DNAI3: variants seen among roughly 807,000 people sequenced by gnomAD.
DNAI3 encodes dynein axonemal intermediate chain 3.
In DNAI3, 83 loss-of-function variants were observed where a neutral mutation model predicts 115.5. That is an observed-to-expected ratio of 0.72 (90% CI 0.60 to 0.86). The LOEUF (loss-of-function observed/expected upper bound fraction) is 0.86. Ranked by LOEUF, DNAI3 falls within the 40% of genes least tolerant of loss-of-function variation. The pLI is 0.00. For synonymous variants in DNAI3, 320 were observed against 347.0 expected (o/e 0.92, Z 0.86); for missense variants, 1,004 against 1,075.8 (o/e 0.93, Z 0.93).
intron 8 of DNAI3, among the ~76,000 whole-genome samples, chr1:85,093,235 G>C (rs1230408063): frequency 1.3e-5 from 2 of 152,174 alleles, no homozygotes; most frequent in African/African-American, 4.8e-5. Context: ...TGGAAACTGA[G>C]GCAGATCATG....
intron 13 of DNAI3, among the ~76,000 whole-genome samples, chr1:85,099,104 G>T (rs1192935627): frequency 3.3e-5 from 5 of 152,170 alleles, no homozygotes; most frequent in Non-Finnish European, 7.3e-5. Flanking sequence ...AACTAGTTGT[G>T]CAGTCTGTGA....
At chr1:85,126,347 A>G (rs1023944773) in intron 19 of DNAI3, among the ~76,000 whole-genome samples, 164 bp from the exon 20 acceptor site, 2 of 152,246 alleles carry the variant, frequency 1.3e-5, no homozygotes, top group Non-Finnish European at 2.9e-5. Context: ...AGCTGGTGTT[A>G]TATAAAAACC....
At chr1:85,097,730 C>A in intron 12 of DNAI3, 75 bp downstream of exon 12, 1 of 1,280,916 alleles carries the variant, frequency 7.8e-7, no homozygotes, top group Non-Finnish European at 1.1e-6. Flanking sequence ...AATATAGTTG[C>A]CAAGGCTAAT....
Position 85,133,051 on chromosome 1 carries a change from T to A in DNAI3, c.*53T>A, listed in dbSNP as rs1315995788. ...GACTTCTTCCCTCTATTTATTTTTA[T>A]GTCAGGTGAACTGGCATGCTGAACA... On this transcript the variant is annotated 3_prime_UTR_variant, in exon 23 of 23. Transcript: ENST00000294664. 1 of 1,565,814 alleles carries A rather than the reference T, an allele frequency of 6.4e-7. No individual in the cohort carries two copies. The highest frequency in any genetic ancestry group is 8.6e-7 in the Non-Finnish European group (1 of 1,161,366).
intron 9 of DNAI3, 150 bp downstream of exon 9, chr1:85,093,798 C>T (rs1432631690): frequency 1.1e-6 from 1 of 887,974 alleles, no homozygotes; most frequent in Non-Finnish European, 1.8e-6. Context: ...CTTTCCACGC[C>T]CTCACTGTCA....
intron 12 of DNAI3, 52 bp downstream of exon 12, chr1:85,097,707 T>C: frequency 1.3e-6 from 2 of 1,509,260 alleles, no homozygotes; most frequent in Non-Finnish European, 9.0e-7. Context: ...GAAGAGTTTA[T>C]GGAAAAGTAC....
chr1:85,132,998 A>T lies in DNAI3; in HGVS notation c.2676A>T (p.Ter892TyrextTer25), dbSNP rs1364524832. The T allele has an allele frequency of 6.2e-7, 1 of 1,607,878 alleles. No individual in the cohort carries two copies. The highest frequency in any genetic ancestry group is 1.3e-5 in the African/African-American group (1 of 74,548). The stretch of plus-strand genomic sequence containing the variant: ...AGGGGTCATACATGGAGGTGATGTA[A>T]AAAAGCTTCCTGAAGGGGTGTTTTG... ...TEKGSYMEVM[*>Y] is the part of the protein sequence containing the mutation. The change falls in exon 23 of 23, where the codon TAA (stop) becomes TAT (tyrosine). Residue 892 changes from the stop codon to tyrosine, a stop_lost. Transcript: ENST00000294664.
In DNAI3 at chr1:85,082,158, A is replaced by G. The variant is rs916205639; in HGVS notation, c.286-142A>G. On this transcript the variant is annotated intron_variant, in intron 4 of 22. Transcript: ENST00000294664. ...TTAAAGTTAATAAAATAATTTTGCA[A>G]TTTGGTGTTATCAGCCATAGATTAG... 34 of 644,288 alleles carry G rather than the reference A, an allele frequency of 5.3e-5. No individual in the cohort carries two copies. In the Admixed American group the frequency reaches 1.0e-3, roughly 19 times the overall value. The allele number at this position is 644,288 out of a possible 1,614,324, so 39.9% of individuals were successfully genotyped here. A position where few individuals can be genotyped will look rare whatever the true frequency, so the allele number is the denominator to read the frequency against.
rs1002645545 is a variant in DNAI3 at position 85,086,924 on chromosome 1, G to A, written c.740+894G>A. ...CAAATGAACCTACAAGGCTTCATAT[G>A]ATCTAGATCCCTTTACCCCTCTGCC... On this transcript the variant is annotated intron_variant, in intron 7 of 22. Coordinates refer to ENST00000294664, the MANE Select transcript of DNAI3 (RefSeq NM_145172.5). Among the ~76,000 whole-genome samples, 27 of 151,982 alleles carry A rather than the reference G, an allele frequency of 1.8e-4. No homozygotes were observed. The East Asian group carries it at 5.3e-3, about 30-fold the overall frequency.
At chr1:85,075,824 C>G (rs1654434496) in intron 3 of DNAI3, among the ~76,000 whole-genome samples, 1 of 152,220 alleles carries the variant, frequency 6.6e-6, no homozygotes, top group Non-Finnish European at 1.5e-5. Context: ...AAGGCCATTA[C>G]AGACATGAAG....
At chr1:85,089,072 G>A (rs1400002540) in intron 7 of DNAI3, among the ~76,000 whole-genome samples, 2 of 151,934 alleles carry the variant, frequency 1.3e-5, no homozygotes, top group Non-Finnish European at 2.9e-5. Context: ...ATTCTGCATT[G>A]TGCTGACATT....
At chr1:85,068,315 G>A (rs1257893789) in intron 1 of DNAI3, among the ~76,000 whole-genome samples, 23 of 152,090 alleles carry the variant, frequency 1.5e-4, no homozygotes, top group Non-Finnish European at 5.9e-5. Context: ...TCAATAAATA[G>A]CAACTCCATG....
chr1:85,081,937 C>T lies in DNAI3; in HGVS notation c.286-363C>T, dbSNP rs567254705. On this transcript the variant is annotated intron_variant, in intron 4 of 22. Coordinates refer to ENST00000294664, the MANE Select transcript of DNAI3 (RefSeq NM_145172.5). The stretch of plus-strand genomic sequence containing the variant: ...ATTGCAGGCATCAGCCACCGTGCTC[C>T]GCCTTTGCCCAGTTTTAACTAGAAT... 9.8e-5 allele frequency among the ~76,000 whole-genome samples: 15 copies of T among 152,310 alleles called. No homozygotes were observed. The South Asian group carries it at 1.0e-3, about 11-fold the overall frequency.
At chr1:85,101,620 C>G (rs1034574689) in intron 13 of DNAI3, among the ~76,000 whole-genome samples, 1 of 148,520 alleles carries the variant, frequency 6.7e-6, no homozygotes, top group East Asian at 2.0e-4. Context: ...CCCAGCTACT[C>G]CAGAGGCTGA....
chr1:85,097,308 C>T (rs1459649465), intron 11 of DNAI3, among the ~76,000 whole-genome samples: 3 of 152,104 alleles, frequency 2.0e-5, no homozygotes, highest in African/African-American at 7.2e-5. Context: ...AATTGCATGA[C>T]ATTTATTTTG....
chr1:85,110,320 G>T (rs951146347), intron 16 of DNAI3, among the ~76,000 whole-genome samples, 185 bp downstream of exon 16: 2 of 151,458 alleles, frequency 1.3e-5, no homozygotes, highest in African/African-American at 2.4e-5. Flanking sequence ...GCTTAGTGGC[G>T]GGCGCCTGTA....
chr1:85,072,742 T>G (rs1654318219), intron 2 of DNAI3, among the ~76,000 whole-genome samples: 1 of 151,088 alleles, frequency 6.6e-6, no homozygotes, highest in African/African-American at 2.4e-5. Flanking sequence ...GATCACAAGG[T>G]CAGGAGATGG....
chr1:85,124,344 T>G (rs1415440078), intron 19 of DNAI3, 93 bp downstream of exon 19: 1 of 1,562,636 alleles, frequency 6.4e-7, no homozygotes, highest in African/African-American at 1.4e-5. Flanking sequence ...AATAGTGCCT[T>G]TGGGACACTT....
At chr1:85,109,929 GA>G (rs1207219838) in intron 15 of DNAI3, 118 bp from the exon 16 acceptor site, 26 of 892,868 alleles carry the variant, frequency 2.9e-5, no homozygotes, top group Non-Finnish European at 3.3e-5. Context: ...AGGGAAGGAA[GA>G]AAAAAAAGGA....
Sources: gnomAD v4.1 joint callset for allele counts (sites outside exome capture counted in the v4.1 genomes callset) on GRCh38, gnomAD v4.1.1 for gene constraint, MANE v1.5 for transcripts, NCBI Gene and HGNC (gene_info 2026-07-23, HGNC 2026-07-21) for gene names.